The following EPS8 variants were observed in gnomAD, a reference collection of about 807,000 sequenced individuals.
EPS8 encodes epidermal growth factor receptor kinase substrate 8.
A neutral mutation model predicts 103.8 loss-of-function variants in EPS8; 42 were observed. The observed-to-expected ratio is 0.40, with a 90% confidence interval of 0.32 to 0.52. The LOEUF is 0.52. Among genes scored for constraint, EPS8 ranks in the 20% least tolerant of loss-of-function variants. The pLI, the probability that EPS8 is intolerant of heterozygous loss-of-function variation, is 0.40. For synonymous variants in EPS8, 344 were observed against 344.6 expected (o/e 1.00, Z 0.02); for missense variants, 969 against 1,005.1 (o/e 0.96, Z 0.49).
chr12:15,666,276 A>AAAC (rs1479311564), intron 7 of EPS8, among the ~76,000 whole-genome samples, 164 bp downstream of exon 7: 1 of 152,240 alleles, frequency 6.6e-6, no homozygotes, highest in African/African-American at 2.4e-5. Context: ...GAAGAGGAGT[A>AAAC]AACACACTGA....
In EPS8 at chr12:15,779,950, C is replaced by T. The variant is rs915483097; in HGVS notation, c.-22+9211G>A. The T allele has an allele frequency of 3.9e-5, 6 of 152,186 alleles. No individual in the cohort carries two copies. Among genetic ancestry groups the T allele is most frequent in the African/African-American group, 1.4e-4 (6 of 41,468 alleles). The allele number at this position is 152,186 out of a possible 1,614,324, so 9.4% of individuals were successfully genotyped here. A position where few individuals can be genotyped will look rare whatever the true frequency, so the allele number is the denominator to read the frequency against. ...CATAGATTATTACATTCTTTTGTTG[C>T]TATGCTACTAAATGTAAGAATGGTT... is the stretch of plus-strand genomic sequence containing the variant. On this transcript the variant is annotated intron_variant, in intron 1 of 20. Coordinates refer to ENST00000281172, the MANE Select transcript of EPS8 (RefSeq NM_004447.6). This position sits in a 1 kb window ranked among gnomAD's most constrained non-coding sequence, Gnocchi z 4.3.
Position 15,779,829 on chromosome 12 carries a change from A to AT in EPS8, c.-22+9331dup, listed in dbSNP as rs1269294937. On this transcript the variant is annotated intron_variant, in intron 1 of 20. Coordinates refer to ENST00000281172, the MANE Select transcript of EPS8 (RefSeq NM_004447.6). The surrounding 1 kb of genome is among the most constrained non-coding windows in gnomAD (Gnocchi z 4.3). Reference sequence around the variant, plus strand: ...AAGCACATAATTCATTTAACAAGTTATTTTTTAGTACATTCCTAAATAGTA... The same window carrying AT: ...AAGCACATAATTCATTTAACAAGTTATTTTTTTAGTACATTCCTAAATAGTA... Among the ~76,000 whole-genome samples, 1 of 152,154 alleles carries AT rather than the reference A, an allele frequency of 6.6e-6. No homozygotes were observed. The highest frequency in any genetic ancestry group is 1.5e-5 in the Non-Finnish European group (1 of 68,024).
intron 1 of EPS8, among the ~76,000 whole-genome samples, chr12:15,740,894 G>A (rs1946814348): frequency 6.6e-6 from 1 of 152,300 alleles, no homozygotes; most frequent in East Asian, 1.9e-4. Flanking sequence ...TACGTGGATT[G>A]GTAATGATAG....
rs1486855120 is a variant in EPS8 at position 15,731,837 on chromosome 12, A to ATAAAT, written c.-21-48866_-21-48865insATTTA. On this transcript the variant is annotated intron_variant, in intron 1 of 20. Transcript: ENST00000281172. The surrounding 1 kb of genome is among the most constrained non-coding windows in gnomAD (Gnocchi z 5.1). Reference sequence around the variant, plus strand: ...TGCAGTCATATTCTGAATGAAAAACAGAAGATAAAGTGTGTGTGTGCATGT... The same window carrying ATAAAT: ...TGCAGTCATATTCTGAATGAAAAACATAAATGAAGATAAAGTGTGTGTGTGCATGT... Among the ~76,000 whole-genome samples, 5 of 152,178 alleles carry ATAAAT rather than the reference A, an allele frequency of 3.3e-5. No individual in the cohort carries two copies. The highest frequency in any genetic ancestry group is 1.2e-4 in the African/African-American group (5 of 41,448).
chr12:15,708,722 C>T (rs1946421665), intron 1 of EPS8, among the ~76,000 whole-genome samples: 1 of 152,140 alleles, frequency 6.6e-6, no homozygotes, highest in African/African-American at 2.4e-5. Flanking sequence ...AGAATAAAAA[C>T]TCCCATTTTT....
At position 15,751,336 on chromosome 12, in the gene EPS8, C is replaced by T. The variant is rs1946929421; in HGVS notation, c.-22+37825G>A. The stretch of plus-strand genomic sequence containing the variant: ...TCACGCCACTGCACTCCAGCCTGGG[C>T]GACAGAGTGAGACTCCATCTCAACA... On this transcript the variant is annotated intron_variant, in intron 1 of 20. Coordinates refer to ENST00000281172, the MANE Select transcript of EPS8 (RefSeq NM_004447.6). The surrounding 1 kb of genome is among the most constrained non-coding windows in gnomAD (Gnocchi z 4.3). Among the ~76,000 whole-genome samples the T allele has an allele frequency of 2.0e-5, 3 of 152,160 alleles. 1 individual carries two copies. The highest frequency in any genetic ancestry group is 1.9e-4 in the East Asian group (1 of 5,180).
chr12:15,708,223 T>C (rs971000579), intron 1 of EPS8, among the ~76,000 whole-genome samples: 2 of 152,202 alleles, frequency 1.3e-5, no homozygotes, highest in African/African-American at 4.8e-5. Flanking sequence ...TTATTGACCA[T>C]GGGCAAGTTA....
chr12:15,623,223 T>C lies in EPS8; in HGVS notation c.2290A>G (p.Arg764Gly). ...CTCGCCCCTTCAGGGCAGACTGTCC[T>C]CAGTTCATCCTTATTGAGAGAGAAA... is the stretch of plus-strand genomic sequence containing the variant. ...QLFSLNKDELRTVCPEGARVY... is the reference protein window; with the variant it reads ...QLFSLNKDELGTVCPEGARVY... The change falls in exon 20 of 21, where the codon AGG becomes GGG. Residue 764 changes from arginine to glycine, a missense_variant. Coordinates refer to ENST00000281172, the MANE Select transcript of EPS8 (RefSeq NM_004447.6). 6.2e-7 allele frequency: 1 copy of C among 1,613,404 alleles called. No individual in the cohort carries two copies. The highest frequency in any genetic ancestry group is 8.5e-7 in the Non-Finnish European group (1 of 1,179,614).
At chr12:15,623,877 A>C (rs1268337284) in intron 19 of EPS8, among the ~76,000 whole-genome samples, 1 of 152,160 alleles carries the variant, frequency 6.6e-6, no homozygotes, top group Non-Finnish European at 1.5e-5. Flanking sequence ...TCTATGTCCT[A>C]TGTGGTCTAG....
chr12:15,682,069 G>A (rs1028305429), intron 2 of EPS8, among the ~76,000 whole-genome samples: 21 of 152,124 alleles, frequency 1.4e-4, no homozygotes, highest in Non-Finnish European at 2.6e-4. Context: ...CTTTACTACC[G>A]CATTGACACA....
intron 15 of EPS8, among the ~76,000 whole-genome samples, chr12:15,646,747 T>C (rs1236639115): frequency 6.6e-6 from 1 of 152,216 alleles, no homozygotes; most frequent in Non-Finnish European, 1.5e-5. Context: ...TTTGTTTTCA[T>C]TGGGTGAAGA....
Position 15,736,576 on chromosome 12 carries a change from T to C in EPS8, c.-22+52585A>G, listed in dbSNP as rs1445429072. Among the ~76,000 whole-genome samples, 1 of 152,202 alleles carries C rather than the reference T, an allele frequency of 6.6e-6. No homozygotes were observed. The highest frequency in any genetic ancestry group is 1.5e-5 in the Non-Finnish European group (1 of 68,032). ...GCTTGGTTAAGATCTTATTAATAAATCTTTCTTTTTCTATAGGTTCTAATG... is the reference window on the plus strand; with the variant it reads ...GCTTGGTTAAGATCTTATTAATAAACCTTTCTTTTTCTATAGGTTCTAATG... On this transcript the variant is annotated intron_variant, in intron 1 of 20. Transcript: ENST00000281172. This position sits in a 1 kb window ranked among gnomAD's most constrained non-coding sequence, Gnocchi z 4.2.
At chr12:15,768,299 G>C (rs546591498) in intron 1 of EPS8, among the ~76,000 whole-genome samples, 1 of 151,422 alleles carries the variant, frequency 6.6e-6, no homozygotes, top group African/African-American at 2.4e-5. Context: ...TTAGCCGGGC[G>C]TGGTGGCGGG....
At chr12:15,750,457 AGATAG>A (rs1946920292) in intron 1 of EPS8, among the ~76,000 whole-genome samples, 2 of 152,222 alleles carry the variant, frequency 1.3e-5, no homozygotes. Context: ...GTTGTACTCT[AGATAG>A]GTTTCATTTT....
At chr12:15,710,646 T>C (rs1389767583) in intron 1 of EPS8, among the ~76,000 whole-genome samples, 1 of 152,204 alleles carries the variant, frequency 6.6e-6, no homozygotes, top group Non-Finnish European at 1.5e-5. Flanking sequence ...CGACGTATAA[T>C]TTCTTCATGT....
rs1014977149 is a variant in EPS8, at chr12:15,734,626, G to A, written c.-21-51654C>T. Among the ~76,000 whole-genome samples the A allele has an allele frequency of 3.9e-5, 6 of 151,998 alleles. No homozygotes were observed. The highest frequency in any genetic ancestry group is 1.2e-4 in the African/African-American group (5 of 41,404). On this transcript the variant is annotated intron_variant, in intron 1 of 20. Coordinates refer to ENST00000281172, the MANE Select transcript of EPS8 (RefSeq NM_004447.6). This position sits in a 1 kb window ranked among gnomAD's most constrained non-coding sequence, Gnocchi z 4.1. ...GGAGAATGGCGTGAACCTGGGAGGC[G>A]GACCTTGCAGTGAGCCGAGATCGCG...
rs563148667 is a variant in EPS8 at position 15,734,459 on chromosome 12, C to T, written c.-21-51487G>A. ...CCTGTAATCCCAGCACTTTGGGAGG[C>T]TGAGGCGGGTGGATCACGAGGTCAG... On this transcript the variant is annotated intron_variant, in intron 1 of 20. Coordinates refer to ENST00000281172, the MANE Select transcript of EPS8 (RefSeq NM_004447.6). The surrounding 1 kb of genome is among the most constrained non-coding windows in gnomAD (Gnocchi z 4.1). Among the ~76,000 whole-genome samples the T allele has an allele frequency of 4.5e-4, 68 of 152,226 alleles. No individual in the cohort carries two copies. The highest frequency in any genetic ancestry group is 1.5e-3 in the African/African-American group (62 of 41,548).
At position 15,713,812 on chromosome 12, in the gene EPS8, G is replaced by A. The variant is rs1432965127; in HGVS notation, c.-21-30840C>T. Among the ~76,000 whole-genome samples the A allele has an allele frequency of 6.6e-6, 1 of 152,174 alleles. No homozygotes were observed. Among genetic ancestry groups the A allele is most frequent in the Non-Finnish European group, 1.5e-5 (1 of 68,042 alleles). On this transcript the variant is annotated intron_variant, in intron 1 of 20. Coordinates refer to ENST00000281172, the MANE Select transcript of EPS8 (RefSeq NM_004447.6). This position sits in a 1 kb window ranked among gnomAD's most constrained non-coding sequence, Gnocchi z 4.8. ...GTCATATTAAGACTTAAGAGAGCTT[G>A]TCTCTGAGAATCTGGGTGAAGAGGA... is the stretch of plus-strand genomic sequence containing the variant.
At chr12:15,635,872 T>A (rs1213001617) in intron 17 of EPS8, among the ~76,000 whole-genome samples, 1 of 152,088 alleles carries the variant, frequency 6.6e-6, no homozygotes, top group Non-Finnish European at 1.5e-5. Flanking sequence ...ATGGGAAACG[T>A]TTTGTTGAAT....
Sources: gnomAD v4.1 joint callset for allele counts (sites outside exome capture counted in the v4.1 genomes callset) on GRCh38, gnomAD v4.1.1 for gene constraint, Gnocchi (gnomAD v3.1) non-coding constraint, MANE v1.5 for transcripts, NCBI Gene and HGNC (gene_info 2026-07-23, HGNC 2026-07-21) for gene names.